Variants in DCAF8L2 observed in about 807,000 individuals in gnomAD.
The protein encoded by DCAF8L2 is DDB1 and CUL4 associated factor 8 like 2, also known as DDB1- and CUL4-associated factor 8-like protein 2.
For synonymous variants in DCAF8L2, 200 were observed against 190.9 expected (o/e 1.05, Z -0.39); for missense variants, 430 against 490.7 (o/e 0.88, Z 1.17).
intron 4 of DCAF8L2, among the ~76,000 whole-genome samples, chrX:27,732,045 T>C (rs1921234624): frequency 9.0e-6 from 1 of 111,310 alleles, no homozygotes; most frequent in African/African-American, 3.3e-5. Context: ...CTGTATAACA[T>C]GACGTTTTGA....
At chrX:27,708,474 A>T (rs750903486) in intron 3 of DCAF8L2, among the ~76,000 whole-genome samples, 3 of 111,940 alleles carry the variant, frequency 2.7e-5, no homozygotes, top group East Asian at 5.6e-4. Context: ...TAGTTCTTGG[A>T]TGGGAGTTTC....
the DCAF8L2 span, among the ~76,000 whole-genome samples, chrX:27,523,201 A>T: frequency 8.9e-6 from 1 of 111,918 alleles, no homozygotes; most frequent in Non-Finnish European, 1.9e-5. Context: ...CACAAGAAGG[A>T]TAACAACACA....
intron 1 of DCAF8L2, among the ~76,000 whole-genome samples, chrX:27,622,488 A>G (rs1172217060): frequency 9.0e-6 from 1 of 111,455 alleles, no homozygotes; most frequent in Non-Finnish European, 1.9e-5. Flanking sequence ...TACATGTAAT[A>G]TCTCAAATTG....
At chrX:27,734,976 T>C (rs1921439904) in intron 4 of DCAF8L2, among the ~76,000 whole-genome samples, 1 of 111,603 alleles carries the variant, frequency 9.0e-6, no homozygotes. Flanking sequence ...ATATCAAGAG[T>C]TCAAACTTTC....
chrX:27,644,650 A>G (rs961931859), intron 2 of DCAF8L2, among the ~76,000 whole-genome samples: 1 of 112,059 alleles, frequency 8.9e-6, no homozygotes, highest in African/African-American at 3.2e-5. Context: ...ACCAACTGAT[A>G]AAATAAAACT....
At chrX:27,735,739 G>T (rs1245466674) in intron 4 of DCAF8L2, among the ~76,000 whole-genome samples, 1 of 111,480 alleles carries the variant, frequency 9.0e-6, no homozygotes, top group Non-Finnish European at 1.9e-5. Flanking sequence ...CCAAACTCTG[G>T]ATGGAATCTA....
At chrX:27,546,404 A>T in the DCAF8L2 span, among the ~76,000 whole-genome samples, 2 of 111,723 alleles carry the variant, frequency 1.8e-5, no homozygotes, top group Non-Finnish European at 3.8e-5. Flanking sequence ...GCAAGCTGTC[A>T]GTGGATCTAC....
chrX:27,714,589 G>T (rs1358158651), intron 3 of DCAF8L2, among the ~76,000 whole-genome samples: 2 of 111,956 alleles, frequency 1.8e-5, no homozygotes, highest in East Asian at 5.6e-4. Context: ...GATTTAGAAG[G>T]TATTCTATTT....
the DCAF8L2 span, among the ~76,000 whole-genome samples, chrX:27,523,626 T>G: frequency 8.1e-5 from 9 of 110,628 alleles, no homozygotes; most frequent in Non-Finnish European, 1.9e-5. Context: ...GCTTGGAATT[T>G]TTTTTTTGTA....
At chrX:27,558,097 C>T in the DCAF8L2 span, among the ~76,000 whole-genome samples, 1 of 111,466 alleles carries the variant, frequency 9.0e-6, no homozygotes, top group Non-Finnish European at 1.9e-5. Context: ...CTCTGACACC[C>T]TTGAGTGCCT....
chrX:27,517,653 A>G, the DCAF8L2 span: 1 of 591,759 alleles, frequency 1.7e-6, no homozygotes, highest in African/African-American at 2.2e-5. Context: ...GCACAGTCAA[A>G]CTGGTATAAG....
chrX:27,581,379 T>C, the DCAF8L2 span, among the ~76,000 whole-genome samples: 1 of 111,989 alleles, frequency 8.9e-6, no homozygotes, highest in Non-Finnish European at 1.9e-5. Flanking sequence ...TCTGTTTCCA[T>C]GTGTTGTGTA....
chrX:27,593,591 A>G (rs1272380959), intron 1 of DCAF8L2, among the ~76,000 whole-genome samples: 1 of 111,693 alleles, frequency 9.0e-6, no homozygotes, highest in Non-Finnish European at 1.9e-5. Context: ...TGCATGGAGC[A>G]GGGTCCTCAG....
the DCAF8L2 span, among the ~76,000 whole-genome samples, chrX:27,471,189 T>G: frequency 2.7e-5 from 3 of 112,256 alleles, no homozygotes; most frequent in Non-Finnish European, 3.8e-5. Context: ...TCTTTTCATG[T>G]CTGATATAGT....
At chrX:27,479,111 T>C in the DCAF8L2 span, among the ~76,000 whole-genome samples, 21,058 of 110,276 alleles carry the variant, frequency 0.19, 1,711 homozygotes, top group East Asian at 0.36. Flanking sequence ...TGGCACTCTC[T>C]GGTTTTTCTC....
the DCAF8L2 span, among the ~76,000 whole-genome samples, chrX:27,488,517 CTGTGTGTG>C: frequency 3.6e-4 from 29 of 80,490 alleles, no homozygotes; most frequent in Non-Finnish European, 4.9e-4. Context: ...AAAATTACCT[CTGTGTGTG>C]TGTGTGTGTG....
intron 2 of DCAF8L2, among the ~76,000 whole-genome samples, chrX:27,667,834 C>T (rs888158236): frequency 1.8e-5 from 2 of 112,240 alleles, no homozygotes; most frequent in African/African-American, 6.5e-5. Flanking sequence ...TAATTTATCA[C>T]ATTTCACTTC....
chrX:27,601,998 T>G (rs1271255628), intron 1 of DCAF8L2, among the ~76,000 whole-genome samples: 1 of 111,902 alleles, frequency 8.9e-6, no homozygotes, highest in Non-Finnish European at 1.9e-5. Flanking sequence ...ACTTACGGAT[T>G]CCTGGGGAGT....
At chrX:27,740,035 A>G (rs778090543) in intron 4 of DCAF8L2, among the ~76,000 whole-genome samples, 2 of 111,313 alleles carry the variant, frequency 1.8e-5, no homozygotes, top group East Asian at 5.7e-4. Context: ...CAGGTTTTTG[A>G]TAACTTCTCT....
Sources: gnomAD v4.1 joint callset for allele counts (sites outside exome capture counted in the v4.1 genomes callset) on GRCh38, gnomAD v4.1.1 for gene constraint, MANE v1.5 for transcripts, NCBI Gene and HGNC (gene_info 2026-07-23, HGNC 2026-07-21) for gene names.